KCNIP1: variants seen among roughly 807,000 people sequenced by gnomAD.
The protein encoded by KCNIP1 is potassium voltage-gated channel interacting protein 1.
KCNIP1 carries 18 observed loss-of-function variants against 33.0 expected under a neutral mutation model. The ratio of observed to expected loss-of-function variants is 0.55; its 90% CI spans 0.38 to 0.81. The LOEUF is 0.81. KCNIP1 is among the 30% of genes least tolerant of loss of function. The pLI is 0.00. For synonymous variants in KCNIP1, 93 were observed against 98.3 expected (o/e 0.95, Z 0.32); for missense variants, 238 against 271.6 (o/e 0.88, Z 0.87).
intron 1 of KCNIP1, among the ~76,000 whole-genome samples, chr5:170,604,727 C>T (rs545263066): frequency 6.6e-6 from 1 of 152,286 alleles, no homozygotes; most frequent in African/African-American, 2.4e-5. Context: ...CTGCTCAGGG[C>T]ATTTCCCAGA....
Position 170,723,775 on chromosome 5 carries a change from C to T in KCNIP1, c.435+955C>T, listed in dbSNP as rs553804072. ...AATCAGCAGGTAGAAGATATTTTGG[C>T]AGGGAAGGTTAGCAAAGGCCTCTCC... On this transcript the variant is annotated intron_variant, in intron 5 of 7. Transcript: ENST00000328939. Among the ~76,000 whole-genome samples, 5 of 152,166 alleles carry T rather than the reference C, an allele frequency of 3.3e-5. No individual in the cohort carries two copies. In the South Asian group the frequency reaches 1.0e-3, roughly 32 times the overall value.
chr5:170,543,753 C>A (rs1345724884), intron 1 of KCNIP1, among the ~76,000 whole-genome samples: 1 of 152,212 alleles, frequency 6.6e-6, no homozygotes, highest in Non-Finnish European at 1.5e-5. Context: ...TTTAACTCTG[C>A]CAGTTTCTCA....
At chr5:170,398,853 C>T (rs1754825435) in intron 1 of KCNIP1, among the ~76,000 whole-genome samples, 1 of 152,148 alleles carries the variant, frequency 6.6e-6, no homozygotes. Flanking sequence ...GAATGTCAGC[C>T]CTCTAAGGGC....
At chr5:170,666,020 C>T (rs1365113420) in intron 1 of KCNIP1, among the ~76,000 whole-genome samples, 1 of 152,150 alleles carries the variant, frequency 6.6e-6, no homozygotes, top group Non-Finnish European at 1.5e-5. Context: ...AGTCATTTTC[C>T]TCCCTCCCCT....
intron 1 of KCNIP1, among the ~76,000 whole-genome samples, chr5:170,581,513 G>A (rs1469510181): frequency 6.6e-6 from 1 of 152,190 alleles, no homozygotes; most frequent in African/African-American, 2.4e-5. Flanking sequence ...TGGATCCAGT[G>A]GACATGAGTG....
intron 1 of KCNIP1, among the ~76,000 whole-genome samples, chr5:170,431,291 G>T (rs1755734876): frequency 1.3e-5 from 2 of 152,166 alleles, no homozygotes; most frequent in Admixed American, 6.5e-5. Context: ...TGAGGAGTCG[G>T]CACGAATCCT....
intron 1 of KCNIP1, among the ~76,000 whole-genome samples, chr5:170,472,270 C>T (rs974424227): frequency 7.9e-5 from 12 of 152,174 alleles, no homozygotes; most frequent in East Asian, 1.9e-4. Flanking sequence ...AGAAAGCTCT[C>T]GCAATGAGAG....
intron 1 of KCNIP1, among the ~76,000 whole-genome samples, chr5:170,596,000 A>G (rs897544145): frequency 2.6e-5 from 4 of 152,230 alleles, no homozygotes; most frequent in African/African-American, 9.6e-5. Context: ...CTTGCACAGC[A>G]GAGCTTCCAG....
At chr5:170,561,517 T>C (rs1236929385) in intron 1 of KCNIP1, among the ~76,000 whole-genome samples, 1 of 152,220 alleles carries the variant, frequency 6.6e-6, no homozygotes, top group Non-Finnish European at 1.5e-5. Context: ...AGAGGTAGCG[T>C]TGGCTTCCTC....
chr5:170,599,361 C>T (rs975276162), intron 1 of KCNIP1, among the ~76,000 whole-genome samples: 3 of 152,116 alleles, frequency 2.0e-5, no homozygotes, highest in African/African-American at 7.2e-5. Context: ...GAAGACTCCT[C>T]ACTCCCCGAG....
intron 1 of KCNIP1, among the ~76,000 whole-genome samples, chr5:170,595,996 C>T (rs1452384610): frequency 6.6e-6 from 1 of 152,208 alleles, no homozygotes; most frequent in African/African-American, 2.4e-5. Flanking sequence ...CTAGCTTGCA[C>T]AGCAGAGCTT....
intron 5 of KCNIP1, among the ~76,000 whole-genome samples, chr5:170,730,820 C>T (rs1376714521): frequency 6.7e-6 from 1 of 148,264 alleles, no homozygotes; most frequent in Non-Finnish European, 1.5e-5. Flanking sequence ...CTTTATTATG[C>T]TGAAGGTATA....
intron 1 of KCNIP1, among the ~76,000 whole-genome samples, chr5:170,599,063 C>T (rs1475009411): frequency 6.6e-6 from 1 of 151,854 alleles, no homozygotes; most frequent in Non-Finnish European, 1.5e-5. Context: ...CACAGGCTGC[C>T]GTGGGGTTGA....
rs1283983251 is a variant in KCNIP1 at position 170,703,027 on chromosome 5, G to A, written c.62-15731G>A. 2.9e-5 allele frequency among the ~76,000 whole-genome samples: 4 copies of A among 138,500 alleles called. 2 individuals are homozygous for A. Among genetic ancestry groups the A allele is most frequent in the African/African-American group, 1.1e-4 (4 of 37,854 alleles). The allele number at this position is 138,500 out of a possible 152,430, so 90.9% of individuals were successfully genotyped here. A position where few individuals can be genotyped will look rare whatever the true frequency, so the allele number is the denominator to read the frequency against. ...AAAGTACTCTGTAAAGTATAAGGCT[G>A]AAATGTACTGGGCTCAGAACCTATA... On this transcript the variant is annotated intron_variant, in intron 1 of 7. Transcript: ENST00000328939.
intron 1 of KCNIP1, among the ~76,000 whole-genome samples, chr5:170,620,068 C>T (rs1236322348): frequency 6.6e-6 from 1 of 152,224 alleles, no homozygotes; most frequent in African/African-American, 2.4e-5. Context: ...TCCGTTGACT[C>T]ATCTCAAAAA....
intron 1 of KCNIP1, among the ~76,000 whole-genome samples, chr5:170,714,684 G>A (rs534145923): frequency 6.6e-6 from 1 of 151,910 alleles, no homozygotes; most frequent in East Asian, 1.9e-4. Flanking sequence ...TTAAAAAAAG[G>A]GTTTTAAAAG....
chr5:170,383,548 G>T, intron 1 of KCNIP1: 2 of 987,920 alleles, frequency 2.0e-6, no homozygotes, highest in Non-Finnish European at 3.1e-6. Context: ...GGCTGGCTCA[G>T]TCTCATTCCA....
intron 1 of KCNIP1, among the ~76,000 whole-genome samples, chr5:170,368,114 G>A (rs1354006742): frequency 6.6e-6 from 1 of 151,970 alleles, no homozygotes; most frequent in South Asian, 2.1e-4. Flanking sequence ...TAGGAAGCCA[G>A]GAGAAAAAAA....
intron 1 of KCNIP1, among the ~76,000 whole-genome samples, chr5:170,459,326 T>G (rs533371906): frequency 1.8e-4 from 28 of 152,094 alleles, no homozygotes; most frequent in Non-Finnish European, 3.8e-4. Flanking sequence ...TTAAAGTATA[T>G]CCTGGAACAA....
Sources: allele counts gnomAD v4.1 joint callset (sites outside exome capture counted in the v4.1 genomes callset), GRCh38; gene constraint gnomAD v4.1.1; transcripts MANE v1.5; gene names NCBI Gene and HGNC (gene_info 2026-07-23, HGNC 2026-07-21).